FBXW7: variants seen among roughly 807,000 people sequenced by gnomAD.
The protein encoded by FBXW7 is F-box/WD repeat-containing protein 7.
In FBXW7, 11 loss-of-function variants were observed where a neutral mutation model predicts 86.3. That is an observed-to-expected ratio of 0.13 (90% CI 0.08 to 0.21). The LOEUF (loss-of-function observed/expected upper bound fraction) is 0.21. Ranked by LOEUF, FBXW7 falls within the 10% of genes least tolerant of loss-of-function variation. FBXW7 has a pLI of 1.00. For missense variants in FBXW7, 488 were observed against 847.4 expected (o/e 0.58, Z 5.27); for synonymous variants, 313 against 297.9 (o/e 1.05, Z -0.52).
At chr4:152,367,240 C>T (rs990893230) in intron 4 of FBXW7, among the ~76,000 whole-genome samples, 7 of 151,956 alleles carry the variant, frequency 4.6e-5, no homozygotes, top group Non-Finnish European at 7.4e-5. Flanking sequence ...CAAACCTGCA[C>T]GTTGTGCACA....
At chr4:152,428,677 C>T (rs1739598686) in intron 2 of FBXW7, among the ~76,000 whole-genome samples, 1 of 152,084 alleles carries the variant, frequency 6.6e-6, no homozygotes, top group South Asian at 2.1e-4. Flanking sequence ...AGGCTTAGTA[C>T]AAAATAAGAT....
At chr4:152,492,813 T>C (rs1745988687) in intron 2 of FBXW7, among the ~76,000 whole-genome samples, 1 of 151,900 alleles carries the variant, frequency 6.6e-6, no homozygotes, top group Admixed American at 6.6e-5. Flanking sequence ...AGGAGGTAGA[T>C]TAGGGTCAAA....
At chr4:152,402,225 T>C (rs1244945313) in intron 4 of FBXW7, among the ~76,000 whole-genome samples, 1 of 152,200 alleles carries the variant, frequency 6.6e-6, no homozygotes, top group African/African-American at 2.4e-5. Context: ...TACATATCCA[T>C]GTGGTCAATG....
At chr4:152,388,037 T>C (rs985230208) in intron 4 of FBXW7, among the ~76,000 whole-genome samples, 2 of 152,116 alleles carry the variant, frequency 1.3e-5, no homozygotes, top group African/African-American at 2.4e-5. Context: ...TAGTATTTTT[T>C]TTTTAAGCTT....
chr4:152,517,456 T>C lies in FBXW7; in HGVS notation c.-120+17485A>G, dbSNP rs144672518. On this transcript the variant is annotated intron_variant, in intron 2 of 13. Transcript: ENST00000281708. ...TAGCCAGTACTTCTATGGCTCTTAT[T>C]GTGTGCCAGGCACTGTTCTATAAAT... Among the ~76,000 whole-genome samples, 7 of 152,354 alleles carry C rather than the reference T, an allele frequency of 4.6e-5. No homozygotes were observed. The East Asian group carries it at 1.3e-3, about 29-fold the overall frequency.
intron 2 of FBXW7, among the ~76,000 whole-genome samples, chr4:152,514,692 G>T (rs1353845406): frequency 6.6e-6 from 1 of 151,986 alleles, no homozygotes; most frequent in African/African-American, 2.4e-5. Context: ...CTCCTTTCCT[G>T]CCTCACCATG....
intron 6 of FBXW7, among the ~76,000 whole-genome samples, chr4:152,342,339 A>G (rs546325546): frequency 6.6e-6 from 1 of 152,222 alleles, no homozygotes; most frequent in African/African-American, 2.4e-5. Context: ...TCTGAGTCTC[A>G]GAGAACCCAC....
intron 13 of FBXW7, chr4:152,323,689 A>G (rs535594331): frequency 6.0e-6 from 1 of 167,670 alleles, no homozygotes; most frequent in South Asian, 1.5e-4. Context: ...TACCTCATCT[A>G]ATATTAGTGA....
chr4:152,364,060 T>C (rs1461554703), intron 4 of FBXW7, among the ~76,000 whole-genome samples: 1 of 152,206 alleles, frequency 6.6e-6, no homozygotes, highest in African/African-American at 2.4e-5. Flanking sequence ...AGACGGACTA[T>C]GCAGCTAATT....
At chr4:152,328,914 T>C (rs1236014979) in intron 10 of FBXW7, 1 of 152,006 alleles carries the variant, frequency 6.6e-6, no homozygotes, top group Non-Finnish European at 1.5e-5. Flanking sequence ...TATGGAAATA[T>C]AAAGCTGCTT....
chr4:152,382,846 T>C (rs1180646766), intron 4 of FBXW7, among the ~76,000 whole-genome samples: 1 of 152,192 alleles, frequency 6.6e-6, no homozygotes, highest in Non-Finnish European at 1.5e-5. Context: ...TTACAAATTT[T>C]GTTTTGAATT....
At chr4:152,514,142 C>A (rs1268315669) in intron 2 of FBXW7, among the ~76,000 whole-genome samples, 1 of 152,118 alleles carries the variant, frequency 6.6e-6, no homozygotes, top group Non-Finnish European at 1.5e-5. Context: ...ATTAACATAG[C>A]TACCAGAAAA....
chr4:152,368,802 T>C (rs1733726891), intron 4 of FBXW7, among the ~76,000 whole-genome samples: 1 of 152,090 alleles, frequency 6.6e-6, no homozygotes, highest in Non-Finnish European at 1.5e-5. Flanking sequence ...TTTAATGACA[T>C]TTGAAACCAA....
intron 2 of FBXW7, among the ~76,000 whole-genome samples, chr4:152,433,643 A>C (rs1433921502): frequency 1.3e-5 from 2 of 152,310 alleles, no homozygotes; most frequent in African/African-American, 4.8e-5. Flanking sequence ...CAAACACTGA[A>C]GTCATGGTGA....
At chr4:152,414,542 C>A (rs998498335) in intron 2 of FBXW7, among the ~76,000 whole-genome samples, 2 of 151,952 alleles carry the variant, frequency 1.3e-5, no homozygotes. Context: ...GTTCTGCTAA[C>A]CTAACAAAGG....
chr4:152,446,854 T>C (rs1004227124), intron 2 of FBXW7, among the ~76,000 whole-genome samples: 2 of 152,194 alleles, frequency 1.3e-5, no homozygotes, highest in Admixed American at 6.5e-5. Flanking sequence ...TTTCAATATA[T>C]ATGAAATTCA....
chr4:152,498,371 G>C (rs1163510127), intron 2 of FBXW7, among the ~76,000 whole-genome samples: 1 of 152,108 alleles, frequency 6.6e-6, no homozygotes. Context: ...ACTACTGAGA[G>C]GCAAGTCTCA....
chr4:152,414,562 C>G (rs1738261712), intron 2 of FBXW7, among the ~76,000 whole-genome samples: 2 of 152,066 alleles, frequency 1.3e-5, no homozygotes, highest in South Asian at 4.1e-4. Flanking sequence ...GATAAATGAT[C>G]AGAGAAATTA....
At chr4:152,430,769 T>C (rs186650383) in intron 2 of FBXW7, among the ~76,000 whole-genome samples, 6 of 152,318 alleles carry the variant, frequency 3.9e-5, no homozygotes, top group Non-Finnish European at 4.4e-5. Context: ...TATGTAACTT[T>C]CAGAAATTTT....
Sources: allele counts gnomAD v4.1 joint callset (sites outside exome capture counted in the v4.1 genomes callset), GRCh38; gene constraint gnomAD v4.1.1; transcripts MANE v1.5; gene names NCBI Gene and HGNC (gene_info 2026-07-23, HGNC 2026-07-21).